The following ARHGAP32 variants were observed in gnomAD, a reference collection of about 807,000 sequenced individuals.
The protein encoded by ARHGAP32 is Rho GTPase activating protein 32, also known as rho GTPase-activating protein 32.
ARHGAP32 carries 51 observed loss-of-function variants against 186.5 expected under a neutral mutation model. The observed-to-expected ratio is 0.27, with a 90% CI of 0.22 to 0.35. The LOEUF (loss-of-function observed/expected upper bound fraction) is 0.35. ARHGAP32 is among the 10% of genes least tolerant of loss of function. The probability of loss-of-function intolerance (pLI) is 1.00; values close to 1 mark genes in which losing one functional copy is unlikely to be tolerated. For synonymous variants in ARHGAP32, 950 were observed against 964.3 expected (o/e 0.99, Z 0.27); for missense variants, 2,186 against 2,623.5 (o/e 0.83, Z 3.64).
rs535098979 is a variant in ARHGAP32, at chr11:129,147,160, T to C, written c.225+17159A>G. Among the ~76,000 whole-genome samples, 9 of 152,210 alleles carry C rather than the reference T, an allele frequency of 5.9e-5. 1 individual carries two copies. The South Asian group carries it at 1.9e-3, about 32-fold the overall frequency. ...TAAATAGAAGAAAGATTATGGCACCTGCCCTCAAGGAGCTTACACATAAAG... is the reference window on the plus strand; with the variant it reads ...TAAATAGAAGAAAGATTATGGCACCCGCCCTCAAGGAGCTTACACATAAAG... On this transcript the variant is annotated intron_variant, in intron 2 of 22. Transcript: ENST00000682385.
chr11:129,152,811 C>G (rs1308936821), intron 2 of ARHGAP32, among the ~76,000 whole-genome samples: 3 of 152,088 alleles, frequency 2.0e-5, no homozygotes, highest in Non-Finnish European at 4.4e-5. Context: ...AAAGCATTGC[C>G]CCTGAGAACT....
Position 129,123,196 on chromosome 11 carries a change from C to T in ARHGAP32, c.444+250G>A, listed in dbSNP as rs1306652766. Reference sequence around the variant, plus strand: ...GACATATGGACATGATACAGGAAAACGGAGGGGGACAGGACTGATTTTCCT... The same window carrying T: ...GACATATGGACATGATACAGGAAAATGGAGGGGGACAGGACTGATTTTCCT... On this transcript the variant is annotated intron_variant, in intron 5 of 22. Coordinates refer to ENST00000682385, the MANE Select transcript of ARHGAP32 (RefSeq NM_001378024.1). The surrounding 1 kb of genome is among the most constrained non-coding windows in gnomAD (Gnocchi z 4.6). Among the ~76,000 whole-genome samples, 1 of 151,806 alleles carries T rather than the reference C, an allele frequency of 6.6e-6. No individual in the cohort carries two copies. The highest frequency in any genetic ancestry group is 2.1e-4 in the South Asian group (1 of 4,810).
chr11:129,201,074 T>C (rs1591693569), intron 1 of ARHGAP32, among the ~76,000 whole-genome samples: 3 of 152,158 alleles, frequency 2.0e-5, no homozygotes, highest in Admixed American at 2.0e-4. Context: ...ATATTCTTCC[T>C]TCATCACATT....
At chr11:129,274,399 T>C (rs1945507292) in intron 1 of ARHGAP32, among the ~76,000 whole-genome samples, 1 of 152,176 alleles carries the variant, frequency 6.6e-6, no homozygotes, top group African/African-American at 2.4e-5. Context: ...TCCCTGGTTT[T>C]GTGGAAGAGC....
chr11:129,197,541 T>C (rs1175866968), intron 1 of ARHGAP32, among the ~76,000 whole-genome samples: 1 of 152,154 alleles, frequency 6.6e-6, no homozygotes, highest in Non-Finnish European at 1.5e-5. Flanking sequence ...TGAATATAAA[T>C]ATAAATATAA....
chr11:129,108,114 G>A (rs957853241), intron 5 of ARHGAP32, among the ~76,000 whole-genome samples: 7 of 151,940 alleles, frequency 4.6e-5, no homozygotes, highest in African/African-American at 1.5e-4. Flanking sequence ...AAGACATATC[G>A]AAAACAAACA....
rs146343121 is a variant in ARHGAP32 at position 129,118,301 on chromosome 11, C to T, written c.444+5145G>A. On this transcript the variant is annotated intron_variant, in intron 5 of 22. Coordinates refer to ENST00000682385, the MANE Select transcript of ARHGAP32 (RefSeq NM_001378024.1). ...GAGAGGCAAATCCTAGTAGGCAATA[C>T]GCATTATTCTCAACTCTTTTCTGGA... 3.1e-3 allele frequency among the ~76,000 whole-genome samples: 469 copies of T among 151,624 alleles called. 8 individuals are homozygous for T. Among genetic ancestry groups the T allele is most frequent in the African/African-American group, 0.011 (445 of 41,356 alleles).
intron 1 of ARHGAP32, among the ~76,000 whole-genome samples, chr11:129,222,182 C>A (rs1158511880): frequency 3.3e-5 from 5 of 152,030 alleles, no homozygotes; most frequent in Admixed American, 3.3e-4. Flanking sequence ...AAGCATATTC[C>A]CTCATCAAGA....
intron 1 of ARHGAP32, among the ~76,000 whole-genome samples, chr11:129,242,494 A>G (rs997070561): frequency 1.3e-5 from 2 of 152,152 alleles, no homozygotes; most frequent in East Asian, 3.9e-4. Context: ...CAAGGCAGGC[A>G]GATCACAAGG....
chr11:128,991,928 C>T (rs564044978), intron 12 of ARHGAP32, among the ~76,000 whole-genome samples: 3 of 152,100 alleles, frequency 2.0e-5, no homozygotes, highest in Non-Finnish European at 4.4e-5. Flanking sequence ...TTCATTCACT[C>T]GCTCACTCAC....
chr11:129,068,821 A>G (rs1426856333), intron 6 of ARHGAP32, among the ~76,000 whole-genome samples: 2 of 152,048 alleles, frequency 1.3e-5, no homozygotes, highest in East Asian at 3.8e-4. Flanking sequence ...ATGTATTGTA[A>G]AACACTTTAT....
Position 128,969,298 on chromosome 11 carries a change from G to A in ARHGAP32, c.5915C>T (p.Ala1972Val). 6.2e-7 allele frequency: 1 copy of A among 1,614,208 alleles called. No individual in the cohort carries two copies. Among genetic ancestry groups the A allele is most frequent in the Non-Finnish European group, 8.5e-7 (1 of 1,180,048 alleles). Residue 1972 changes from alanine to valine, a missense_variant, in exon 23 of 23, where the codon GCC (alanine) becomes GTC (valine). This residue lies in a region of ARHGAP32 where 1,502 missense variants were observed against 1,570.0 expected (regional missense o/e 0.96). Transcript: ENST00000682385. This position sits in a 1 kb window ranked among gnomAD's most constrained non-coding sequence, Gnocchi z 4.8. ...MERPWVRQPS[A>V]PEKHSRDCYK... ...GCAGTCTCTGGAGTGTTTCTCTGGG[G>A]CAGAAGGCTGCCTAACCCAGGGTCG...
Position 128,971,117 on chromosome 11 carries a change from G to C in ARHGAP32, c.4096C>G (p.Arg1366Gly), listed in dbSNP as rs1565346652. 5 of 1,614,030 alleles carry C rather than the reference G, an allele frequency of 3.1e-6. No individual in the cohort carries two copies. Among genetic ancestry groups the C allele is most frequent in the Non-Finnish European group, 3.4e-6 (4 of 1,179,910 alleles). The change falls in exon 23 of 23, where the codon CGA becomes GGA. Residue 1366 changes from arginine (R) to glycine (G), a missense_variant. Around this residue, in one of 5 missense-constraint regions of ARHGAP32, gnomAD observed 1,502 missense variants for 1,570.0 expected, o/e 0.96. Transcript: ENST00000682385. ...GCAGACGCAGGGTCATCCATGGCTC[G>C]AGGTTCAGGTGGCCTCTCTGGAACT... ...VPVPERPPEP[R>G]AMDDPASAFI... is the part of the protein sequence containing the mutation.
chr11:128,972,403 T>C (rs754226186), intron 22 of ARHGAP32, 50 bp downstream of exon 22: 8 of 1,487,096 alleles, frequency 5.4e-6, no homozygotes, highest in Non-Finnish European at 7.2e-6. Flanking sequence ...AAAAGTGACA[T>C]ACCTTTGGTA....
chr11:129,057,565 C>T (rs533564918), intron 10 of ARHGAP32, among the ~76,000 whole-genome samples: 4 of 152,072 alleles, frequency 2.6e-5, no homozygotes, highest in South Asian at 2.1e-4. Context: ...CTCAACATAG[C>T]TGGGGGATTG....
intron 11 of ARHGAP32, among the ~76,000 whole-genome samples, chr11:128,999,728 G>C (rs1272778223): frequency 6.6e-6 from 1 of 152,084 alleles, no homozygotes; most frequent in African/African-American, 2.4e-5. Context: ...TTAAAATACT[G>C]GGGGCTGGTT....
intron 10 of ARHGAP32, among the ~76,000 whole-genome samples, chr11:129,046,850 C>T (rs1441710426): frequency 1.3e-5 from 2 of 151,996 alleles, no homozygotes; most frequent in African/African-American, 4.8e-5. Context: ...CTTGGCCGGG[C>T]GCGGTGGCTC....
At chr11:129,025,802 T>C (rs918988960) in intron 11 of ARHGAP32, among the ~76,000 whole-genome samples, 6 of 145,662 alleles carry the variant, frequency 4.1e-5, no homozygotes, top group Non-Finnish European at 6.0e-5. Flanking sequence ...TAAACATCCA[T>C]GTTTATGTTA....
In ARHGAP32 at chr11:129,154,266, G is replaced by C. The variant is rs576624183; in HGVS notation, c.225+10053C>G. ...CATGGATGTGGTGAAAAGGGAACAC[G>C]TTTACATTGCTGATGGGAATGTAAA... On this transcript the variant is annotated intron_variant, in intron 2 of 22. Coordinates refer to ENST00000682385, the MANE Select transcript of ARHGAP32 (RefSeq NM_001378024.1). Among the ~76,000 whole-genome samples, 17 of 152,178 alleles carry C rather than the reference G, an allele frequency of 1.1e-4. No homozygotes were observed. In the East Asian group the frequency reaches 3.3e-3, roughly 29 times the overall value.
Sources: allele counts gnomAD v4.1 joint callset (sites outside exome capture counted in the v4.1 genomes callset), GRCh38; gene constraint gnomAD v4.1.1; regional missense constraint gnomAD v4.1.1; non-coding constraint Gnocchi (gnomAD v3.1); transcripts MANE v1.5; gene names NCBI Gene and HGNC (gene_info 2026-07-23, HGNC 2026-07-21).